The following NTN1 variants were observed in gnomAD, a reference collection of about 807,000 sequenced individuals.
NTN1 encodes the protein netrin 1.
Under a neutral mutation model 54.2 loss-of-function variants are expected in NTN1, and 11 were observed. The ratio of observed to expected loss-of-function variants is 0.20; its 90% CI spans 0.13 to 0.34. The LOEUF is 0.34. NTN1 is among the 10% of genes least tolerant of loss of function. The pLI is 1.00. For missense variants in NTN1, 740 were observed against 893.1 expected (o/e 0.83, Z 2.18); for synonymous variants, 371 against 382.0 (o/e 0.97, Z 0.33).
At chr17:9,143,231 C>T (rs1259887301) in intron 2 of NTN1, among the ~76,000 whole-genome samples, 2 of 152,140 alleles carry the variant, frequency 1.3e-5, no homozygotes, top group Admixed American at 1.3e-4. Flanking sequence ...GAGCCCGGGG[C>T]CTTGGCCTGG....
At chr17:9,042,135 C>A (rs2091924173) in intron 2 of NTN1, among the ~76,000 whole-genome samples, 1 of 152,086 alleles carries the variant, frequency 6.6e-6, no homozygotes, top group Non-Finnish European at 1.5e-5. Context: ...ATCCTAGTTT[C>A]TCCATACCCT....
At chr17:9,115,648 C>G (rs1166268540) in intron 2 of NTN1, among the ~76,000 whole-genome samples, 1 of 152,264 alleles carries the variant, frequency 6.6e-6, no homozygotes, top group Non-Finnish European at 1.5e-5. Context: ...AGGCAAGAGC[C>G]GAGGTCTGTG....
intron 2 of NTN1, among the ~76,000 whole-genome samples, chr17:9,045,017 G>T (rs2091937233): frequency 6.6e-6 from 1 of 152,130 alleles, no homozygotes; most frequent in African/African-American, 2.4e-5. Context: ...ACTCCTCCTT[G>T]GTACACAGGG....
intron 6 of NTN1, among the ~76,000 whole-genome samples, chr17:9,232,738 C>G (rs1247280892): frequency 6.6e-6 from 1 of 152,124 alleles, no homozygotes; most frequent in East Asian, 1.9e-4. Context: ...GCCACGGTGA[C>G]CCCCCGTCCC....
chr17:9,031,886 G>A (rs1036083573), intron 2 of NTN1, among the ~76,000 whole-genome samples: 24 of 152,224 alleles, frequency 1.6e-4, no homozygotes, highest in East Asian at 5.8e-4. Context: ...TCTTGAACCC[G>A]GGAGGCCGAG....
intron 2 of NTN1, among the ~76,000 whole-genome samples, chr17:9,153,445 T>C (rs894410142): frequency 6.6e-6 from 1 of 152,130 alleles, no homozygotes; most frequent in African/African-American, 2.4e-5. Flanking sequence ...CAAGACTCTG[T>C]CTCAAAATAA....
At chr17:9,016,780 C>G (rs751969251), upstream of NTN1, among the ~76,000 whole-genome samples, 1 of 152,200 alleles carries the variant, frequency 6.6e-6, no homozygotes, top group Non-Finnish European at 1.5e-5. Context: ...GGAAAACACT[C>G]TCAACTTGAG....
chr17:9,142,447 C>G (rs1597503894), intron 2 of NTN1, among the ~76,000 whole-genome samples: 1 of 152,156 alleles, frequency 6.6e-6, no homozygotes, highest in East Asian at 1.9e-4. Flanking sequence ...CCAGGAGGCT[C>G]AGGCTTAGCC....
chr17:9,106,756 C>G (rs1429717740), intron 2 of NTN1, among the ~76,000 whole-genome samples: 1 of 152,130 alleles, frequency 6.6e-6, no homozygotes, highest in Non-Finnish European at 1.5e-5. Flanking sequence ...CTCAGGTGAT[C>G]CACCCGCCTT....
At chr17:9,150,225 TAAGG>T (rs2092323419) in intron 2 of NTN1, among the ~76,000 whole-genome samples, 1 of 151,754 alleles carries the variant, frequency 6.6e-6, no homozygotes, top group African/African-American at 2.4e-5. Flanking sequence ...AATAAATAAA[TAAGG>T]AAGGAAGGAG....
intron 2 of NTN1, among the ~76,000 whole-genome samples, chr17:9,029,379 C>A (rs185285879): frequency 9.2e-5 from 14 of 152,276 alleles, no homozygotes; most frequent in Admixed American, 8.5e-4. Flanking sequence ...CTGCAGGGCA[C>A]GTCTCGGCTT....
chr17:9,050,543 G>A (rs1385266724), intron 2 of NTN1, among the ~76,000 whole-genome samples: 3 of 151,638 alleles, frequency 2.0e-5, no homozygotes, highest in Non-Finnish European at 2.9e-5. Context: ...GGCGGTGCAC[G>A]CCTGTAATCC....
intron 2 of NTN1, among the ~76,000 whole-genome samples, chr17:9,128,144 A>AAAG (rs1555570165): frequency 6.7e-6 from 1 of 148,832 alleles, no homozygotes; most frequent in Non-Finnish European, 1.5e-5. Context: ...ATAAATAAAT[A>AAAG]AATAATAATA....
At position 9,211,906 on chromosome 17, in the gene NTN1, T is replaced by C. The variant is rs75638869; in HGVS notation, c.1412-9262T>C. On this transcript the variant is annotated intron_variant, in intron 5 of 6. Transcript: ENST00000173229. The surrounding 1 kb of genome is among the most constrained non-coding windows in gnomAD (Gnocchi z 4.4). ...GTGATTCAGAAGAGTTCTTTATATG[T>C]GAAAGACACCAGTCCTTGGCTTCCT... Among the ~76,000 whole-genome samples the C allele has an allele frequency of 0.076, 11,561 of 152,278 alleles. 500 individuals carry two copies. Among genetic ancestry groups the C allele is most frequent in the South Asian group, 0.098 (473 of 4,820 alleles).
At chr17:9,010,345 A>G in the NTN1 span, among the ~76,000 whole-genome samples, 129 of 152,318 alleles carry the variant, frequency 8.5e-4, no homozygotes, top group African/African-American at 3.0e-3. Context: ...GGGTGCTGCA[A>G]CCGTGGCCTC....
intron 2 of NTN1, among the ~76,000 whole-genome samples, chr17:9,093,278 A>G (rs529487767): frequency 2.0e-5 from 3 of 152,270 alleles, no homozygotes; most frequent in South Asian, 2.1e-4. Context: ...TAATACTGCT[A>G]TGAACATAGG....
upstream of NTN1, among the ~76,000 whole-genome samples, chr17:9,018,944 C>G (rs1258179739): frequency 6.6e-6 from 1 of 152,214 alleles, no homozygotes; most frequent in Non-Finnish European, 1.5e-5. Flanking sequence ...CACGCCCCCA[C>G]AAGAAATTCC....
chr17:9,142,959 T>C (rs995176457), intron 2 of NTN1, among the ~76,000 whole-genome samples: 1 of 152,178 alleles, frequency 6.6e-6, no homozygotes, highest in Non-Finnish European at 1.5e-5. Context: ...TAAAAGGTAA[T>C]GTGCAGTGAA....
At chr17:9,134,337 CT>C (rs1451312071) in intron 2 of NTN1, among the ~76,000 whole-genome samples, 1 of 152,160 alleles carries the variant, frequency 6.6e-6, no homozygotes, top group African/African-American at 2.4e-5. Flanking sequence ...TTGCCAACCC[CT>C]CTTAGTGATA....
Sources: allele counts gnomAD v4.1 joint callset (sites outside exome capture counted in the v4.1 genomes callset), GRCh38; gene constraint gnomAD v4.1.1; non-coding constraint Gnocchi (gnomAD v3.1); transcripts MANE v1.5; gene names NCBI Gene and HGNC (gene_info 2026-07-23, HGNC 2026-07-21).